Variants in EPHA8 observed in about 807,000 individuals in gnomAD.
EPHA8 encodes the protein ephrin type-A receptor 8.
In EPHA8, 58 loss-of-function variants were observed where a neutral mutation model predicts 103.6. That is an observed-to-expected ratio of 0.56 (90% confidence interval 0.45 to 0.70). The LOEUF is 0.70. EPHA8 is among the 30% of genes least tolerant of loss of function. EPHA8 has a pLI of 0.00. For synonymous variants in EPHA8, 559 were observed against 572.5 expected (o/e 0.98, Z 0.34); for missense variants, 1,304 against 1,395.2 (o/e 0.93, Z 1.04).
rs1483906390 is a variant in EPHA8, at chr1:22,598,331, G to A, written c.2178+119G>A. On this transcript the variant is annotated intron_variant, in intron 12 of 16. Coordinates refer to ENST00000166244, the MANE Select transcript of EPHA8 (RefSeq NM_020526.5). The surrounding 1 kb of genome is among the most constrained non-coding windows in gnomAD (Gnocchi z 5.1). ...CTGGCTTGGACACCACAGGCCGGGG[G>A]ACAGGAGGCAGGTATAGGGAGGAGG... is the stretch of plus-strand genomic sequence containing the variant. 5.0e-6 allele frequency: 5 copies of A among 991,664 alleles called. No individual in the cohort carries two copies. The highest frequency in any genetic ancestry group is 2.4e-5 in the East Asian group (1 of 41,086). The allele number at this position is 991,664 out of a possible 1,614,324, so 61.4% of individuals were successfully genotyped here.
chr1:22,578,418 A>G (rs1335434308), intron 3 of EPHA8, among the ~76,000 whole-genome samples: 1 of 107,344 alleles, frequency 9.3e-6, no homozygotes, highest in African/African-American at 3.8e-5. Flanking sequence ...GCATGTCTGC[A>G]TGTGTACGTA....
chr1:22,597,342 A>ACCC lies in EPHA8; in HGVS notation c.1800_1802dup (p.Pro601dup). 1 of 1,590,240 alleles carries ACCC rather than the reference A, an allele frequency of 6.3e-7. No individual in the cohort carries two copies. Among genetic ancestry groups the ACCC allele is most frequent in the Non-Finnish European group, 8.6e-7 (1 of 1,166,840 alleles). ...CCACCTGTCTTCCTGCCTCTGCATC[A>ACCC]CCCCCCGGGAAAGCTCCCAGAGCCC... On this transcript the variant is annotated inframe_insertion, in exon 10 of 17. Coordinates refer to ENST00000166244, the MANE Select transcript of EPHA8 (RefSeq NM_020526.5). The surrounding 1 kb of genome is among the most constrained non-coding windows in gnomAD (Gnocchi z 4.6).
chr1:22,585,027 C>CTCTGTGTG (rs1037039744), intron 3 of EPHA8, among the ~76,000 whole-genome samples: 21 of 147,578 alleles, frequency 1.4e-4, no homozygotes, highest in African/African-American at 4.2e-4. Context: ...GGTCGTTTCT[C>CTCTGTGTG]TGTGTGTGTG....
chr1:22,600,171 A>AGGAAGGAAAGAAGGAG (rs1363666899), intron 13 of EPHA8, among the ~76,000 whole-genome samples: 7 of 116,612 alleles, frequency 6.0e-5, no homozygotes, highest in Non-Finnish European at 1.3e-4. Flanking sequence ...GGAGGCAGGA[A>AGGAAGGAAAGAAGGAG]GGAAGGAAAG....
chr1:22,576,223 T>A lies in EPHA8; in HGVS notation c.166T>A (p.Ser56Thr). 2 of 1,606,138 alleles carry A rather than the reference T, an allele frequency of 1.2e-6. No homozygotes were observed. Among genetic ancestry groups the A allele is most frequent in the African/African-American group, 2.7e-5 (2 of 74,888 alleles). ...GTGTTCTCTCTGCCCACAGTGGGACTCCATCAACGAGGTGGACGAGTCCTT... is the reference window on the plus strand; with the variant it reads ...GTGTTCTCTCTGCCCACAGTGGGACACCATCAACGAGGTGGACGAGTCCTT... ...WLTYPAHGWD[S>T]INEVDESFQP... The change falls in exon 3 of 17, where the codon TCC becomes ACC. Residue 56 changes from serine to threonine, a missense_variant. Transcript: ENST00000166244. This position sits in a 1 kb window ranked among gnomAD's most constrained non-coding sequence, Gnocchi z 4.8.
intron 13 of EPHA8, among the ~76,000 whole-genome samples, chr1:22,600,176 G>A (rs188069390): frequency 4.3e-4 from 55 of 127,664 alleles, no homozygotes; most frequent in Non-Finnish European, 8.2e-4. Flanking sequence ...CAGGAAGGAA[G>A]GAAAGAAGGA....
In EPHA8 at chr1:22,583,148, G is replaced by A. The variant is rs114845531; in HGVS notation, c.824-3332G>A. On this transcript the variant is annotated intron_variant, in intron 3 of 16. Coordinates refer to ENST00000166244, the MANE Select transcript of EPHA8 (RefSeq NM_020526.5). ...GGGTCAGGAGCCCCTCCTGGCTCGC[G>A]GCCCAACACCCGGGCACGTGCAGGC... Among the ~76,000 whole-genome samples the A allele has an allele frequency of 9.1e-3, 1,381 of 152,304 alleles. 25 individuals carry two copies. The highest frequency in any genetic ancestry group is 0.03 in the African/African-American group (1,258 of 41,562).
rs528786897 is a variant in EPHA8, at chr1:22,578,116, G to A, written c.823+1236G>A. ...GTAGCGTCAGTGTATGCATGTGTGC[G>A]TGAGTGTATGCATGTGTGCATGTGT... is the stretch of plus-strand genomic sequence containing the variant. On this transcript the variant is annotated intron_variant, in intron 3 of 16. Transcript: ENST00000166244. Among the ~76,000 whole-genome samples, 72 of 71,252 alleles carry A rather than the reference G, an allele frequency of 1.0e-3. 2 individuals are homozygous for A. The South Asian group carries it at 0.024, about 24-fold the overall frequency. 46.7% of individuals were successfully genotyped at this position (71,252 alleles called of 152,430 possible). A position where few individuals can be genotyped will look rare whatever the true frequency, so the allele number is the denominator to read the frequency against.
chr1:22,579,363 A>T (rs367784918), intron 3 of EPHA8, among the ~76,000 whole-genome samples: 4 of 122,448 alleles, frequency 3.3e-5, no homozygotes, highest in Non-Finnish European at 6.3e-5. Context: ...GCGTGTGTGT[A>T]TGTGTGCATG....
At chr1:22,584,242 T>C (rs1641124925) in intron 3 of EPHA8, among the ~76,000 whole-genome samples, 1 of 152,174 alleles carries the variant, frequency 6.6e-6, no homozygotes, top group Non-Finnish European at 1.5e-5. Flanking sequence ...GGGGGGCTTC[T>C]GGGAAGAGGA....
intron 5 of EPHA8, among the ~76,000 whole-genome samples, chr1:22,593,120 C>T (rs1181937346): frequency 2.0e-5 from 3 of 152,192 alleles, no homozygotes; most frequent in South Asian, 2.1e-4. Flanking sequence ...TGCCAGGCCA[C>T]GCCAACCCCA....
At chr1:22,592,989 T>C (rs1318935824) in intron 5 of EPHA8, among the ~76,000 whole-genome samples, 2 of 152,176 alleles carry the variant, frequency 1.3e-5, no homozygotes, top group African/African-American at 4.8e-5. Flanking sequence ...TCTACACTTC[T>C]TTCTCCTGAC....
rs563255116 is a variant in EPHA8 at position 22,570,684 on chromosome 1, T to C, written c.159+1331T>C. ...AGGCAGCGGTGAGCTGAGCCTGTTA[T>C]CAGCCCTCATGCACCGGGCTCCCGG... On this transcript the variant is annotated intron_variant, in intron 2 of 16. Coordinates refer to ENST00000166244, the MANE Select transcript of EPHA8 (RefSeq NM_020526.5). 5.3e-5 allele frequency among the ~76,000 whole-genome samples: 8 copies of C among 152,366 alleles called. No individual in the cohort carries two copies. The East Asian group carries it at 1.3e-3, about 26-fold the overall frequency.
intron 2 of EPHA8, among the ~76,000 whole-genome samples, chr1:22,574,259 G>A (rs553969671): frequency 3.6e-4 from 54 of 151,958 alleles, no homozygotes; most frequent in Admixed American, 1.6e-3. Context: ...GATTACAGGC[G>A]TGAGCCACCG....
chr1:22,596,224 C>A, intron 9 of EPHA8, 51 bp downstream of exon 9: 1 of 1,577,660 alleles, frequency 6.3e-7, no homozygotes. Flanking sequence ...CACAGGGGGA[C>A]CCAGTGCTGG....
At chr1:22,570,937 C>CGTGGCAGG (rs1640527932) in intron 2 of EPHA8, among the ~76,000 whole-genome samples, 1 of 152,246 alleles carries the variant, frequency 6.6e-6, no homozygotes, top group East Asian at 1.9e-4. Flanking sequence ...CTGGTCCCCC[C>CGTGGCAGG]GTGGCAGGGT....
chr1:22,564,454 A>G (rs1354970975), intron 1 of EPHA8, among the ~76,000 whole-genome samples: 1 of 151,544 alleles, frequency 6.6e-6, no homozygotes, highest in Admixed American at 6.6e-5. Flanking sequence ...TGGGGAGGCC[A>G]CAGAGAGATT....
In EPHA8 at chr1:22,586,780, T is replaced by TGGGG. The variant is rs60727050; in HGVS notation, c.979+150_979+153dup. ...TCTTGAGCCAGAGGCCAGTCTGAGGTGGGGGGGGTGACTCTGATCCCTCCA... is the reference window on the plus strand; with the variant it reads ...TCTTGAGCCAGAGGCCAGTCTGAGGTGGGGGGGGGGGGTGACTCTGATCCCTCCA... On this transcript the variant is annotated intron_variant, in intron 4 of 16. Transcript: ENST00000166244. 3.6e-3 allele frequency: 3,308 copies of TGGGG among 923,866 alleles called. 96 individuals carry two copies. The African/African-American group carries it at 0.056, about 16-fold the overall frequency. The allele number at this position is 923,866 out of a possible 1,614,324, so 57.2% of individuals were successfully genotyped here. A position where few individuals can be genotyped will look rare whatever the true frequency, so the allele number is the denominator to read the frequency against.
chr1:22,578,045 G>A (rs1475114580), intron 3 of EPHA8, among the ~76,000 whole-genome samples: 2 of 129,382 alleles, frequency 1.5e-5, no homozygotes, highest in East Asian at 2.3e-4. Flanking sequence ...GTATGTATGT[G>A]CATGTGTGTG....
Sources: allele counts gnomAD v4.1 joint callset (sites outside exome capture counted in the v4.1 genomes callset), GRCh38; gene constraint gnomAD v4.1.1; non-coding constraint Gnocchi (gnomAD v3.1); transcripts MANE v1.5; gene names NCBI Gene and HGNC (gene_info 2026-07-23, HGNC 2026-07-21).